Variants in TIAM1 observed in about 807,000 individuals in gnomAD.
TIAM1 encodes TIAM Rac1 associated GEF 1, also known as rho guanine nucleotide exchange factor TIAM1.
Under a neutral mutation model 163.5 loss-of-function variants are expected in TIAM1, and 65 were observed. The ratio of observed to expected loss-of-function variants is 0.40; its 90% CI spans 0.33 to 0.49. The LOEUF (loss-of-function observed/expected upper bound fraction) is 0.49. Among genes scored for constraint, TIAM1 ranks in the 20% least tolerant of loss-of-function variants. The pLI is 0.77. For synonymous variants in TIAM1, 833 were observed against 810.1 expected, an observed-to-expected ratio of 1.03 and a Z score of -0.48; for missense variants, 1,789 against 2,044.7, an observed-to-expected ratio of 0.87 and a Z score of 2.41.
chr21:31,529,842 G>T (rs2047916887), intron 1 of TIAM1, among the ~76,000 whole-genome samples: 1 of 152,002 alleles, frequency 6.6e-6, no homozygotes, highest in South Asian at 2.1e-4. Context: ...CAGAGACAAT[G>T]TAAGATGTTC....
In TIAM1 at chr21:31,265,786, T is replaced by TC. The variant is rs561982454; in HGVS notation, c.963+223dup. ...TTTCCCACTCCTATCACATCGCCAC[T>TC]CCCCCCACACACTTCCCTTAATCCC... On this transcript the variant is annotated intron_variant, in intron 4 of 27. Coordinates refer to ENST00000541036, the MANE Select transcript of TIAM1 (RefSeq NM_001353694.2). 1.1e-4 allele frequency among the ~76,000 whole-genome samples: 17 copies of TC among 151,732 alleles called. No homozygotes were observed. In the South Asian group the frequency reaches 3.3e-3, roughly 30 times the overall value.
At chr21:31,408,836 C>T (rs895128816) in intron 2 of TIAM1, among the ~76,000 whole-genome samples, 2 of 152,176 alleles carry the variant, frequency 1.3e-5, no homozygotes, top group African/African-American at 2.4e-5. Flanking sequence ...AACTGTTAGA[C>T]ATGCACATTT....
At chr21:31,288,523 G>A (rs2073898449) in intron 2 of TIAM1, among the ~76,000 whole-genome samples, 1 of 152,160 alleles carries the variant, frequency 6.6e-6, no homozygotes, top group Non-Finnish European at 1.5e-5. Context: ...TATGAGGGCA[G>A]AGCACTCATG....
intron 1 of TIAM1, among the ~76,000 whole-genome samples, chr21:31,530,111 T>G (rs1281196493): frequency 6.6e-6 from 1 of 152,222 alleles, no homozygotes; most frequent in African/African-American, 2.4e-5. Context: ...TCACCACTAT[T>G]CTCCCAGTTC....
chr21:31,307,131 A>G (rs1022192046), intron 2 of TIAM1, among the ~76,000 whole-genome samples: 1 of 152,258 alleles, frequency 6.6e-6, no homozygotes, highest in Non-Finnish European at 1.5e-5. Flanking sequence ...GATAACTGAT[A>G]TAATGGAATG....
At chr21:31,225,211 G>C (rs1027129123) in intron 7 of TIAM1, among the ~76,000 whole-genome samples, 10 of 152,024 alleles carry the variant, frequency 6.6e-5, no homozygotes, top group African/African-American at 2.4e-4. Flanking sequence ...TGTTGACCAG[G>C]CTGGTCTTGA....
intron 2 of TIAM1, among the ~76,000 whole-genome samples, chr21:31,309,017 CA>C (rs1418232894): frequency 1.4e-5 from 2 of 142,498 alleles, no homozygotes; most frequent in Non-Finnish European, 3.0e-5. Context: ...CTGGGCCTTA[CA>C]AGCTCAATGA....
intron 2 of TIAM1, among the ~76,000 whole-genome samples, chr21:31,396,370 G>A (rs73902326): frequency 1.3e-3 from 202 of 151,934 alleles, no homozygotes; most frequent in Non-Finnish European, 1.7e-3. Context: ...AGATTTCCAC[G>A]GGGTCTCTCC....
At chr21:31,210,259 C>T in intron 10 of TIAM1, 44 bp from the exon 11 acceptor site, 1 of 1,595,698 alleles carries the variant, frequency 6.3e-7, no homozygotes, top group Non-Finnish European at 8.5e-7. Flanking sequence ...CAGTGGAGCT[C>T]TGACAACCCT....
At chr21:31,491,304 C>T (rs1317895497) in intron 1 of TIAM1, among the ~76,000 whole-genome samples, 1 of 152,206 alleles carries the variant, frequency 6.6e-6, no homozygotes, top group African/African-American at 2.4e-5. Context: ...TACTAAACCC[C>T]ATATTGTTTA....
At chr21:31,149,138 A>T (rs1601296515) in intron 19 of TIAM1, among the ~76,000 whole-genome samples, 1 of 152,202 alleles carries the variant, frequency 6.6e-6, no homozygotes, top group East Asian at 1.9e-4. Flanking sequence ...GAATGGAGAC[A>T]ATCAGATTGT....
chr21:31,423,463 C>G (rs2043657793), intron 2 of TIAM1, among the ~76,000 whole-genome samples: 1 of 152,008 alleles, frequency 6.6e-6, no homozygotes, highest in Non-Finnish European at 1.5e-5. Context: ...CCTGCCCCAT[C>G]ATTATACACA....
At chr21:31,198,611 G>A (rs377117515) in intron 12 of TIAM1, among the ~76,000 whole-genome samples, 2 of 152,230 alleles carry the variant, frequency 1.3e-5, no homozygotes, top group East Asian at 1.9e-4. Flanking sequence ...TATCAACTAC[G>A]TTCACTTCAA....
At chr21:31,249,084 C>G (rs376934053) in intron 5 of TIAM1, among the ~76,000 whole-genome samples, 10 of 152,132 alleles carry the variant, frequency 6.6e-5, no homozygotes, top group African/African-American at 2.2e-4. Context: ...CTGCTGAAGG[C>G]TGAATTGTGT....
chr21:31,254,684 A>G (rs1235017778), intron 4 of TIAM1, among the ~76,000 whole-genome samples: 1 of 151,644 alleles, frequency 6.6e-6, no homozygotes, highest in East Asian at 1.9e-4. Flanking sequence ...TGGGCAACAG[A>G]GAGAGAGAGA....
chr21:31,355,440 C>T (rs2076299605), intron 2 of TIAM1, among the ~76,000 whole-genome samples: 1 of 152,168 alleles, frequency 6.6e-6, no homozygotes, highest in Admixed American at 6.5e-5. Context: ...AAGGTGTCCT[C>T]CTGGCCAGTG....
At chr21:31,359,827 AGGAAG>A (rs2076376430) in intron 2 of TIAM1, among the ~76,000 whole-genome samples, 2 of 132,578 alleles carry the variant, frequency 1.5e-5, no homozygotes, top group Admixed American at 7.5e-5. Flanking sequence ...GAAGGAAGGA[AGGAAG>A]GAAGGAAGGA....
intron 2 of TIAM1, among the ~76,000 whole-genome samples, chr21:31,382,998 G>A (rs2076804408): frequency 1.3e-5 from 2 of 152,162 alleles, no homozygotes; most frequent in South Asian, 4.1e-4. Flanking sequence ...CCAGCACTTT[G>A]GGAGGCCAAG....
chr21:31,457,948 C>T (rs1455770159), intron 2 of TIAM1, among the ~76,000 whole-genome samples: 1 of 152,166 alleles, frequency 6.6e-6, no homozygotes, highest in Non-Finnish European at 1.5e-5. Flanking sequence ...GTATCCAGCC[C>T]ACAATGTCAG....
Sources: gnomAD v4.1 joint callset for allele counts (sites outside exome capture counted in the v4.1 genomes callset) on GRCh38, gnomAD v4.1.1 for gene constraint, MANE v1.5 for transcripts, NCBI Gene and HGNC (gene_info 2026-07-23, HGNC 2026-07-21) for gene names.